Variants in CFAP61 observed in about 807,000 individuals in gnomAD.
CFAP61 encodes cilia and flagella associated protein 61.
Under a neutral mutation model 135.6 loss-of-function variants are expected in CFAP61, and 107 were observed. The ratio of observed to expected loss-of-function variants is 0.79; its 90% CI spans 0.67 to 0.93. The LOEUF (loss-of-function observed/expected upper bound fraction) is 0.93, where lower values mean the gene tolerates loss of function less well. Ranked by LOEUF, CFAP61 falls within the 40% of genes least tolerant of loss-of-function variation. CFAP61 has a pLI of 0.00. For synonymous variants in CFAP61, 575 were observed against 578.5 expected, an observed-to-expected ratio of 0.99 and a Z score of 0.09; for missense variants, 1,507 against 1,556.2, an observed-to-expected ratio of 0.97 and a Z score of 0.53.
chr20:20,169,347 G>A lies in CFAP61; in HGVS notation c.1272G>A (p.Leu424=), dbSNP rs1448431670. Residue 424 remains leucine, a synonymous_variant, in exon 13 of 27, where the codon CTG becomes CTA. Transcript: ENST00000245957. Reference sequence around the variant, plus strand: ...ATAAGAACTTCTGTGTAATTTCTCTGCCCCATCTCACCCCCGAGTTCTTCC... The same window carrying A: ...ATAAGAACTTCTGTGTAATTTCTCTACCCCATCTCACCCCCGAGTTCTTCC... ...FSDKNFCVIS[L]PHLTPEFFLI... The A allele has an allele frequency of 5.6e-6, 9 of 1,613,296 alleles. No individual in the cohort carries two copies. The East Asian group carries it at 2.0e-4, about 36-fold the overall frequency.
intron 13 of CFAP61, among the ~76,000 whole-genome samples, chr20:20,185,214 A>G (rs941686574): frequency 1.3e-5 from 2 of 152,238 alleles, no homozygotes; most frequent in African/African-American, 2.4e-5. Context: ...GGCCATACAC[A>G]TAAAAGAGGT....
At chr20:20,269,117 CTATATATATA>C (rs142189443) in intron 21 of CFAP61, among the ~76,000 whole-genome samples, 1,828 of 104,466 alleles carry the variant, frequency 0.017, 96 homozygotes, top group Non-Finnish European at 0.027. Flanking sequence ...TATTCGTGGG[CTATATATATA>C]TATATATATA....
chr20:20,283,198 T>A (rs1008640702), intron 22 of CFAP61, among the ~76,000 whole-genome samples: 4 of 152,184 alleles, frequency 2.6e-5, no homozygotes, highest in Non-Finnish European at 5.9e-5. Context: ...TTCTTTTGAT[T>A]TTTGCTTTAT....
intron 6 of CFAP61, among the ~76,000 whole-genome samples, chr20:20,079,682 T>C (rs2046301627): frequency 6.6e-6 from 1 of 152,192 alleles, no homozygotes; most frequent in African/African-American, 2.4e-5. Context: ...CTACCTAATT[T>C]AGTTTGAGAG....
intron 1 of CFAP61, chr20:20,052,887 C>T (rs1478926021): frequency 7.6e-6 from 5 of 655,496 alleles, no homozygotes; most frequent in Non-Finnish European, 1.3e-5. Context: ...TCCACGCCCC[C>T]TCGTTTCTGG....
At chr20:20,063,102 C>T (rs2044935658) in intron 2 of CFAP61, among the ~76,000 whole-genome samples, 1 of 152,192 alleles carries the variant, frequency 6.6e-6, no homozygotes, top group South Asian at 2.1e-4. Context: ...TTTAAATCCT[C>T]CCGCCAATAA....
At chr20:20,168,314 C>T (rs998307876) in intron 12 of CFAP61, among the ~76,000 whole-genome samples, 2 of 152,170 alleles carry the variant, frequency 1.3e-5, no homozygotes, top group Non-Finnish European at 2.9e-5. Context: ...CCTCCCATCT[C>T]GGCCTCCCAA....
intron 6 of CFAP61, among the ~76,000 whole-genome samples, chr20:20,077,253 C>T (rs2046119274): frequency 6.6e-6 from 1 of 152,128 alleles, no homozygotes; most frequent in South Asian, 2.1e-4. Context: ...TGGAATGAAC[C>T]ATTTACATAT....
rs570482191 is a variant in CFAP61, at chr20:20,120,989, A to G, written c.860-21868A>G. 6.6e-5 allele frequency among the ~76,000 whole-genome samples: 10 copies of G among 151,750 alleles called. No individual in the cohort carries two copies. In the South Asian group the frequency reaches 1.7e-3, roughly 25 times the overall value. On this transcript the variant is annotated intron_variant, in intron 8 of 26. Coordinates refer to ENST00000245957, the MANE Select transcript of CFAP61 (RefSeq NM_015585.4). The stretch of plus-strand genomic sequence containing the variant: ...TCAGTTGCATGGAATATATTTTTCC[A>G]CTTCCATTTTCAGTTTATGTGTGTC...
intron 26 of CFAP61, among the ~76,000 whole-genome samples, chr20:20,357,957 GGAGGT>G (rs2059308804): frequency 7.7e-6 from 1 of 129,442 alleles, no homozygotes; most frequent in African/African-American, 3.0e-5. Flanking sequence ...CACACTGAGG[GGAGGT>G]GGTCATAGTG....
At chr20:20,251,293 T>C (rs1266302923) in intron 19 of CFAP61, among the ~76,000 whole-genome samples, 2 of 151,898 alleles carry the variant, frequency 1.3e-5, no homozygotes, top group Non-Finnish European at 2.9e-5. Flanking sequence ...AGAAGAAAGG[T>C]ATAGTATGAG....
At chr20:20,174,291 G>C (rs987864129) in intron 13 of CFAP61, among the ~76,000 whole-genome samples, 1 of 152,174 alleles carries the variant, frequency 6.6e-6, no homozygotes, top group Non-Finnish European at 1.5e-5. Context: ...GCCCACACCA[G>C]TTTCCCTGCC....
Position 20,249,443 on chromosome 20 carries a change from C to T in CFAP61, c.2160-2152C>T, listed in dbSNP as rs6046755. ...GGTCCCAGCTGCTCGAGAGTCTGAG[C>T]GGGGAGGATAGCTTGGGCCCAGGAG... On this transcript the variant is annotated intron_variant, in intron 19 of 26. Transcript: ENST00000245957. 4.5e-3 allele frequency among the ~76,000 whole-genome samples: 678 copies of T among 152,046 alleles called. 5 individuals are homozygous for T. Among genetic ancestry groups the T allele is most frequent in the African/African-American group, 0.015 (618 of 41,472 alleles).
rs1475697660 is a variant in CFAP61, at chr20:20,070,871, C to G, written c.161C>G (p.Ala54Gly). 1.2e-6 allele frequency: 2 copies of G among 1,613,426 alleles called. No homozygotes were observed. The highest frequency in any genetic ancestry group is 2.2e-5 in the East Asian group (1 of 44,870). Residue 54 changes from alanine to glycine, a missense_variant, in exon 3 of 27, where the codon GCT becomes GGT. Physicochemically the swap from Ala to Gly is moderately conservative, Grantham distance 60 (BLOSUM62 0). Coordinates refer to ENST00000245957, the MANE Select transcript of CFAP61 (RefSeq NM_015585.4). Reference sequence around the variant, plus strand: ...TTCTGCAGAGAAAAGGCCAACCTTGCTGTTACCCTCTGCAATGACAAGGAG... The same window carrying G: ...TTCTGCAGAGAAAAGGCCAACCTTGGTGTTACCCTCTGCAATGACAAGGAG... ...IIYLLEKANL[A>G]VTLCNDKEEI...
At chr20:20,309,248 C>T (rs1358247850) in intron 25 of CFAP61, among the ~76,000 whole-genome samples, 1 of 152,048 alleles carries the variant, frequency 6.6e-6, no homozygotes, top group East Asian at 1.9e-4. Context: ...ACTCCAAAAG[C>T]AATATGTGTT....
intron 20 of CFAP61, among the ~76,000 whole-genome samples, chr20:20,261,850 G>A (rs537097858): frequency 7.3e-5 from 11 of 151,664 alleles, no homozygotes; most frequent in Admixed American, 4.0e-4. Flanking sequence ...CAAAGAAGAC[G>A]AGTATCAGCT....
intron 8 of CFAP61, among the ~76,000 whole-genome samples, chr20:20,140,987 A>G (rs192856067): frequency 2.0e-5 from 3 of 151,602 alleles, no homozygotes; most frequent in East Asian, 1.9e-4. Flanking sequence ...CAGTGGCACA[A>G]TCTTGACTCA....
intron 6 of CFAP61, chr20:20,085,072 A>C: frequency 6.1e-6 from 6 of 982,078 alleles, no homozygotes; most frequent in Non-Finnish European, 7.3e-6. Flanking sequence ...CTTTTCGCTC[A>C]GAGAATTGTA....
intron 13 of CFAP61, among the ~76,000 whole-genome samples, chr20:20,172,889 A>T (rs776269308): frequency 2.2e-4 from 33 of 152,214 alleles, no homozygotes; most frequent in Admixed American, 2.6e-4. Context: ...CACTGTTATG[A>T]TAGCACACAG....
Sources: allele counts gnomAD v4.1 joint callset (sites outside exome capture counted in the v4.1 genomes callset), GRCh38; gene constraint gnomAD v4.1.1; transcripts MANE v1.5; gene names NCBI Gene and HGNC (gene_info 2026-07-23, HGNC 2026-07-21).